DNAH3: variants seen among roughly 807,000 people sequenced by gnomAD.
DNAH3 encodes the protein axonemal beta dynein heavy chain 3.
DNAH3 carries 332 observed loss-of-function variants against 432.5 expected under a neutral mutation model. The ratio of observed to expected loss-of-function variants is 0.77; its 90% CI spans 0.70 to 0.84. The LOEUF is 0.84. DNAH3 is among the 40% of genes least tolerant of loss of function. The pLI is 0.00. For synonymous variants in DNAH3, 1,956 were observed against 1,900.2 expected, an observed-to-expected ratio of 1.03 and a Z score of -0.76; for missense variants, 4,861 against 5,114.0, an observed-to-expected ratio of 0.95 and a Z score of 1.51.
Position 21,114,120 on chromosome 16 carries a change from TTC to T in DNAH3, c.1815-2024_1815-2023del, listed in dbSNP as rs199919928. 2.0e-4 allele frequency among the ~76,000 whole-genome samples: 30 copies of T among 152,332 alleles called. No individual in the cohort carries two copies. The East Asian group carries it at 4.8e-3, about 24-fold the overall frequency. ...TAAAAGTTATATGAATGTGGTCCCT[TTC>T]TCTGTTTTTCTCAAAATAGCTTGAT... On this transcript the variant is annotated intron_variant, in intron 12 of 61. Transcript: ENST00000261383.
intron 60 of DNAH3, 98 bp downstream of exon 60, chr16:20,936,551 C>G: frequency 9.3e-7 from 1 of 1,070,454 alleles, no homozygotes. Context: ...TCTGTGGCTG[C>G]CTGCCCTCCT....
intron 15 of DNAH3, among the ~76,000 whole-genome samples, chr16:21,106,286 T>C (rs952487281): frequency 6.6e-6 from 1 of 151,874 alleles, no homozygotes; most frequent in Non-Finnish European, 1.5e-5. Context: ...GATATGAGTA[T>C]AAAATTCGTG....
Position 21,125,471 on chromosome 16 carries a change from T to C in DNAH3, c.1209-101A>G, listed in dbSNP as rs966394003. ...TCAGTGATGAGGCAGATGGGCTCAA[T>C]GTCCCACCAAGCAGCCTTGCAAATC... On this transcript the variant is annotated intron_variant, in intron 8 of 61. Coordinates refer to ENST00000261383, the Ensembl canonical transcript of DNAH3. The C allele has an allele frequency of 4.4e-6, 4 of 915,538 alleles. No homozygotes were observed. In the African/African-American group the frequency reaches 6.8e-5, roughly 16 times the overall value. 56.7% of individuals were successfully genotyped at this position (915,538 alleles called of 1,614,324 possible).
chr16:21,110,594 C>T (rs1378674766), intron 14 of DNAH3, among the ~76,000 whole-genome samples: 2 of 152,176 alleles, frequency 1.3e-5, no homozygotes, highest in Non-Finnish European at 2.9e-5. Flanking sequence ...AACATGTGAG[C>T]CACAAATTCC....
At chr16:21,008,436 C>A (rs144589177) in intron 41 of DNAH3, among the ~76,000 whole-genome samples, 1 of 152,000 alleles carries the variant, frequency 6.6e-6, no homozygotes, top group Admixed American at 6.6e-5. Flanking sequence ...AGCACTGTAC[C>A]CTCTCTCTGA....
At chr16:21,051,894 C>T (rs373673555) in intron 28 of DNAH3, 26 bp from the exon 29 acceptor site, 33 of 1,604,440 alleles carry the variant, frequency 2.1e-5, no homozygotes, top group South Asian at 8.8e-5. Context: ...TGCAGAAACA[C>T]GCACACAGAG....
intron 1 of DNAH3, chr16:21,150,407 C>G (rs2092839569): frequency 4.7e-6 from 2 of 424,204 alleles, no homozygotes; most frequent in Admixed American, 3.1e-5. Flanking sequence ...TCCAGTTGGT[C>G]TGAAATTCAC....
At chr16:21,092,802 T>A (rs1432863427) in intron 18 of DNAH3, among the ~76,000 whole-genome samples, 1 of 146,802 alleles carries the variant, frequency 6.8e-6, no homozygotes, top group Non-Finnish European at 1.5e-5. Flanking sequence ...AACCTGAAAC[T>A]TAAAAATAGG....
chr16:21,132,640 A>G (rs979170828), intron 7 of DNAH3, among the ~76,000 whole-genome samples: 6 of 152,240 alleles, frequency 3.9e-5, no homozygotes, highest in Admixed American at 3.3e-4. Context: ...CACCAGACAC[A>G]AAAGATCATA....
intron 59 of DNAH3, 110 bp downstream of exon 59, chr16:20,941,291 G>A: frequency 7.4e-7 from 1 of 1,342,740 alleles, no homozygotes; most frequent in East Asian, 2.3e-5. Context: ...CCCTAATACG[G>A]GTGGGGCAAA....
exon 53 of DNAH3, chr16:20,964,775 T>C: frequency 6.2e-7 from 1 of 1,614,158 alleles, no homozygotes; most frequent in Non-Finnish European, 8.5e-7. Context: ...CTGAAGTCAC[T>C]GAAGCCAGGG....
intron 51 of DNAH3, among the ~76,000 whole-genome samples, chr16:20,974,813 T>C (rs1448145910): frequency 6.6e-6 from 1 of 151,060 alleles, no homozygotes; most frequent in Non-Finnish European, 1.5e-5. Context: ...GAGAGTCGCC[T>C]ACCCCTTATT....
At chr16:21,070,677 C>T in intron 22 of DNAH3, 33 bp downstream of exon 22, 1 of 1,419,208 alleles carries the variant, frequency 7.0e-7, no homozygotes, top group South Asian at 1.2e-5. Flanking sequence ...GCTAACGAAA[C>T]ACCTCAAAGC....
At chr16:21,029,475 C>T (rs933280179) in intron 37 of DNAH3, among the ~76,000 whole-genome samples, 1 of 152,160 alleles carries the variant, frequency 6.6e-6, no homozygotes, top group African/African-American at 2.4e-5. Context: ...AGTAACTTAT[C>T]TAATCTTCGT....
intron 51 of DNAH3, among the ~76,000 whole-genome samples, chr16:20,971,720 C>T (rs887816638): frequency 1.3e-5 from 2 of 152,176 alleles, no homozygotes; most frequent in African/African-American, 4.8e-5. Context: ...TCCAACAAGT[C>T]GCTGTTTGGC....
Position 20,987,512 on chromosome 16 carries a change from T to C in DNAH3, c.6883-64A>G, listed in dbSNP as rs149338167. 201 of 1,595,894 alleles carry C rather than the reference T, an allele frequency of 1.3e-4. No homozygotes were observed. In the African/African-American group the frequency reaches 2.6e-3, roughly 20 times the overall value. The stretch of plus-strand genomic sequence containing the variant: ...TGGTCCCTGAGGTGGTAGTTCTCAG[T>C]AGTAGGTAAGTCCTGGGGTTGATTT... On this transcript the variant is annotated intron_variant, in intron 46 of 61. Coordinates refer to ENST00000261383, the Ensembl canonical transcript of DNAH3.
chr16:20,959,187 G>A, exon 54 of DNAH3: 1 of 1,614,118 alleles, frequency 6.2e-7, no homozygotes, highest in Non-Finnish European at 8.5e-7. Flanking sequence ...ACCTGAATCT[G>A]GCATTGGTGC....
At chr16:21,126,475 G>T (rs1240838435) in intron 8 of DNAH3, among the ~76,000 whole-genome samples, 1 of 152,190 alleles carries the variant, frequency 6.6e-6, no homozygotes, top group Admixed American at 6.5e-5. Flanking sequence ...AATTTCTCTG[G>T]CTGTGGAGGT....
intron 27 of DNAH3, among the ~76,000 whole-genome samples, chr16:21,057,370 T>G (rs1248499144): frequency 6.6e-6 from 1 of 152,238 alleles, no homozygotes; most frequent in Non-Finnish European, 1.5e-5. Context: ...CAGACATAGC[T>G]TCTTCCCCGT....
Sources: gnomAD v4.1 joint callset for allele counts (sites outside exome capture counted in the v4.1 genomes callset) on GRCh38, gnomAD v4.1.1 for gene constraint, MANE v1.5 for transcripts, NCBI Gene and HGNC (gene_info 2026-07-23, HGNC 2026-07-21) for gene names.